The following EXOC7 variants were observed in gnomAD, a reference collection of about 807,000 sequenced individuals.
The protein encoded by EXOC7 is exocyst complex component Exo70.
A neutral mutation model predicts 87.6 loss-of-function variants in EXOC7; 51 were observed. The ratio of observed to expected loss-of-function variants is 0.58; its 90% CI spans 0.46 to 0.73. The LOEUF (loss-of-function observed/expected upper bound fraction) is 0.73, where lower values mean the gene tolerates loss of function less well. EXOC7 is among the 30% of genes least tolerant of loss of function. The probability of loss-of-function intolerance (pLI) is 0.00; values close to 1 mark genes in which losing one functional copy is unlikely to be tolerated. For missense variants in EXOC7, 744 were observed against 888.4 expected (o/e 0.84, Z 2.07); for synonymous variants, 327 against 357.1 (o/e 0.92, Z 0.95).
intron 15 of EXOC7, 95 bp from the exon 16 acceptor site, chr17:76,084,675 G>A (rs980412128): frequency 4.3e-5 from 48 of 1,105,416 alleles, no homozygotes; most frequent in Non-Finnish European, 6.0e-5. Context: ...TACTTGGTGG[G>A]TGGTGGTAGG....
rs1251529599 is a variant in EXOC7, at chr17:76,103,712, C to A, written c.-20G>T. The A allele has an allele frequency of 8.1e-6, 13 of 1,595,702 alleles. No individual in the cohort carries two copies. The highest frequency in any genetic ancestry group is 1.1e-5 in the Non-Finnish European group (13 of 1,172,008). On this transcript the variant is annotated 5_prime_UTR_variant, in exon 1 of 19. Coordinates refer to ENST00000589210, the MANE Select transcript of EXOC7 (RefSeq NM_001013839.4). Reference sequence around the variant, plus strand: ...AATCATCGCTCTGAACCCCGCGGCTCCCACTCCCCAGTATCTTTCCTCCGC... The same window carrying A: ...AATCATCGCTCTGAACCCCGCGGCTACCACTCCCCAGTATCTTTCCTCCGC...
chr17:76,089,154 G>GC (rs771039810), intron 8 of EXOC7, 21 bp downstream of exon 8: 1 of 1,611,474 alleles, frequency 6.2e-7, no homozygotes, highest in South Asian at 1.1e-5. Context: ...TGGCTGCAGA[G>GC]CCCCCGGGGC....
chr17:76,101,259 C>T lies in EXOC7; in HGVS notation c.417+12G>A, dbSNP rs775796194. ...TCCCCAAGCTTCTCACGTTATTCTG[C>T]GGACCCCTTACCACTTTGTTGAGTT... On this transcript the variant is annotated intron_variant, in intron 4 of 18. Coordinates refer to ENST00000589210, the MANE Select transcript of EXOC7 (RefSeq NM_001013839.4). 24 of 1,613,888 alleles carry T rather than the reference C, an allele frequency of 1.5e-5. No homozygotes were observed. In the East Asian group the frequency reaches 2.7e-4, roughly 18 times the overall value.
chr17:76,090,258 G>GCCGCCCCTTGGGGTACAGGGA, intron 7 of EXOC7: 1 of 1,503,942 alleles, frequency 6.6e-7, no homozygotes, highest in Non-Finnish European at 8.9e-7. Context: ...GGCCAGGCAG[G>GCCGCCCCTTGGGGTACAGGGA]AGCAGGCCAT....
intron 5 of EXOC7, 47 bp from the exon 6 acceptor site, chr17:76,094,628 C>A: frequency 6.4e-7 from 1 of 1,572,724 alleles, no homozygotes; most frequent in South Asian, 1.2e-5. Flanking sequence ...GGCCCTGTCT[C>A]TGCCTTGCAG....
At chr17:76,092,916 C>T (rs1257792726) in intron 6 of EXOC7, 1 of 152,354 alleles carries the variant, frequency 6.6e-6, no homozygotes, top group East Asian at 1.9e-4. Context: ...GACATCGGTC[C>T]TGAGCCCACC....
chr17:76,081,551 C>T lies in EXOC7; in HGVS notation c.*2097G>A, dbSNP rs780227901. 1.9e-6 allele frequency: 3 copies of T among 1,613,474 alleles called. No homozygotes were observed. The East Asian group carries it at 6.7e-5, about 36-fold the overall frequency. On this transcript the variant is annotated 3_prime_UTR_variant, in exon 19 of 19. Transcript: ENST00000589210. ...CTGACTTTTCCCCTTCCAGCTGAGG[C>T]TGAAGAACACGGCGCTCAAGTCCAT...
intron 7 of EXOC7, 56 bp downstream of exon 7, chr17:76,091,087 G>T: frequency 6.6e-7 from 1 of 1,504,436 alleles, no homozygotes; most frequent in Non-Finnish European, 9.3e-7. Context: ...GCCCTGCCAA[G>T]TGCGTGGACA....
Position 76,088,804 on chromosome 17 carries a change from C to T in EXOC7, c.1167G>A (p.Lys389=). The T allele has an allele frequency of 6.2e-7, 1 of 1,613,864 alleles. No homozygotes were observed. Among genetic ancestry groups the T allele is most frequent in the South Asian group, 1.1e-5 (1 of 91,078 alleles). Residue 389 remains lysine, a synonymous_variant, in exon 9 of 19, where the codon AAG becomes AAA. Coordinates refer to ENST00000589210, the MANE Select transcript of EXOC7 (RefSeq NM_001013839.4). ...LTVFPILRHL[K]QTKPEFDQVL... is the part of the protein sequence containing the mutation. The stretch of plus-strand genomic sequence containing the variant: ...CCTGGTCAAACTCAGGCTTGGTCTG[C>T]TTGAGGTGTCGCAGGATGGGGAAGA...
chr17:76,089,476 C>A, intron 7 of EXOC7, 156 bp from the exon 8 acceptor site: 1 of 855,130 alleles, frequency 1.2e-6, no homozygotes, highest in Non-Finnish European at 1.8e-6. Flanking sequence ...AGGGAGCCAG[C>A]AGGCCCCGCC....
At chr17:76,085,162 AC>A (rs2067153578) in intron 15 of EXOC7, 151 bp downstream of exon 15, 1 of 674,672 alleles carries the variant, frequency 1.5e-6, no homozygotes, top group Non-Finnish European at 2.6e-6. Flanking sequence ...TTCTCTCTCC[AC>A]CCCGTGAGTT....
At position 76,087,714 on chromosome 17, in the gene EXOC7, G is replaced by C; in HGVS notation, c.1369C>G (p.Leu457Val). 2 of 1,551,268 alleles carry C rather than the reference G, an allele frequency of 1.3e-6. No homozygotes were observed. The highest frequency in any genetic ancestry group is 1.7e-6 in the Non-Finnish European group (2 of 1,147,018). ...AAGTCCAAAAGCTGCTGCAGGAAGA[G>C]GATGGCCTGGGTGGGAAGAAAACGG... is the stretch of plus-strand genomic sequence containing the variant. ...TVHELTSNAI[L>V]FLQQLLDFQE... Residue 457 changes from leucine to valine, a missense_variant, in exon 12 of 19, where the codon CTC becomes GTC. This residue lies in a region of EXOC7 where 228 missense variants were observed against 298.6 expected (regional missense o/e 0.76). Transcript: ENST00000589210.
rs771439466 is a variant in EXOC7 at position 76,082,484 on chromosome 17, G to T, written c.*1164C>A. 12 of 1,612,986 alleles carry T rather than the reference G, an allele frequency of 7.4e-6. No homozygotes were observed. The South Asian group carries it at 1.3e-4, about 18-fold the overall frequency. ...ACAGAGCCCTCCAGAGGAGTAAAGG[G>T]GTCACAGAGAAGCTGGCCTGAGACT... On this transcript the variant is annotated 3_prime_UTR_variant, in exon 19 of 19. Transcript: ENST00000589210.
intron 13 of EXOC7, 64 bp from the exon 14 acceptor site, chr17:76,085,861 G>A: frequency 6.3e-7 from 1 of 1,584,266 alleles, no homozygotes; most frequent in Non-Finnish European, 8.6e-7. Context: ...CCCACCCCAG[G>A]ACCCGCGAAC....
intron 2 of EXOC7, among the ~76,000 whole-genome samples, chr17:76,102,423 C>A (rs1181824804): frequency 8.9e-6 from 1 of 111,974 alleles, no homozygotes; most frequent in Non-Finnish European, 1.6e-5. Context: ...CACAGACACA[C>A]ACACACACAC....
rs766161397 is a variant in EXOC7 at position 76,085,727 on chromosome 17, G to A, written c.1566C>T (p.Ser522=). ...KSKVYEDPAL[S]AIFLHNNYNY... ...TGTAGTTGTTGTGCAGGAAGATGGC[G>A]CTCAGAGCTGGGTCCTCGTACACCT... The change falls in exon 14 of 19, where the codon AGC becomes AGT. Residue 522 remains serine, a synonymous_variant. Transcript: ENST00000589210. 14 of 1,613,958 alleles carry A rather than the reference G, an allele frequency of 8.7e-6. No individual in the cohort carries two copies. The highest frequency in any genetic ancestry group is 5.0e-5 in the Admixed American group (3 of 59,994).
At position 76,081,879 on chromosome 17, in the gene EXOC7, C is replaced by G; in HGVS notation, c.*1769G>C. ...GCATCTCCCTGTGCCCTGCCTCCCCCAGTTTACTACTTCACCATCCTGCTG... is the reference window on the plus strand; with the variant it reads ...GCATCTCCCTGTGCCCTGCCTCCCCGAGTTTACTACTTCACCATCCTGCTG... On this transcript the variant is annotated 3_prime_UTR_variant, in exon 19 of 19. Coordinates refer to ENST00000589210, the MANE Select transcript of EXOC7 (RefSeq NM_001013839.4). The G allele has an allele frequency of 6.2e-7, 1 of 1,608,516 alleles. No homozygotes were observed. The highest frequency in any genetic ancestry group is 8.5e-7 in the Non-Finnish European group (1 of 1,176,268).
intron 11 of EXOC7, 72 bp downstream of exon 11, chr17:76,087,988 T>G (rs1168095704): frequency 6.4e-7 from 1 of 1,562,948 alleles, no homozygotes; most frequent in East Asian, 2.2e-5. Context: ...CCACCAGTAC[T>G]CTGCCTGGCC....
chr17:76,094,584 G>A lies in EXOC7; in HGVS notation c.641-3C>T. The A allele has an allele frequency of 1.9e-6, 3 of 1,611,820 alleles. No individual in the cohort carries two copies. In the South Asian group the frequency reaches 3.3e-5, roughly 18 times the overall value. On this transcript the variant is annotated splice_polypyrimidine_tract_variant and splice_region_variant and intron_variant, in intron 5 of 18. Coordinates refer to ENST00000589210, the MANE Select transcript of EXOC7 (RefSeq NM_001013839.4). ...CTGGTAGTAGACGTTCATGAAATCT[G>A]AGGAGACACAGAGGGATAGAGGTAC... is the stretch of plus-strand genomic sequence containing the variant.
Sources: gnomAD v4.1 joint callset for allele counts (sites outside exome capture counted in the v4.1 genomes callset) on GRCh38, gnomAD v4.1.1 for gene constraint, gnomAD v4.1.1 regional missense constraint, MANE v1.5 for transcripts, NCBI Gene and HGNC (gene_info 2026-07-23, HGNC 2026-07-21) for gene names.